RBM38: variants seen among roughly 807,000 people sequenced by gnomAD.
The protein encoded by RBM38 is RNA-binding protein 38.
RBM38 carries 11 observed loss-of-function variants against 23.5 expected under a neutral mutation model. That is an observed-to-expected ratio of 0.47 (90% CI 0.29 to 0.77). The LOEUF is 0.77. RBM38 is among the 30% of genes least tolerant of loss of function. RBM38 has a pLI of 0.08. For missense variants in RBM38, 330 were observed against 351.9 expected, an observed-to-expected ratio of 0.94 and a Z score of 0.50; for synonymous variants, 165 against 166.1, an observed-to-expected ratio of 0.99 and a Z score of 0.05.
chr20:57,396,951 T>G (rs2067280855), intron 3 of RBM38, among the ~76,000 whole-genome samples: 1 of 152,172 alleles, frequency 6.6e-6, no homozygotes, highest in South Asian at 2.1e-4. Flanking sequence ...GGCTTCCACT[T>G]AAGTCTCACT....
At chr20:57,406,845 T>G (rs2146221705) in intron 3 of RBM38, among the ~76,000 whole-genome samples, 1 of 152,040 alleles carries the variant, frequency 6.6e-6, no homozygotes, top group African/African-American at 2.4e-5. Context: ...TACAAAAAAA[T>G]TAGCCGAGCG....
chr20:57,395,671 G>C (rs907228660), intron 3 of RBM38, among the ~76,000 whole-genome samples: 4 of 152,216 alleles, frequency 2.6e-5, no homozygotes, highest in Admixed American at 2.6e-4. Context: ...GAGGTGGGTA[G>C]GGGGAGGCTC....
At chr20:57,398,560 C>A (rs573484939) in intron 3 of RBM38, among the ~76,000 whole-genome samples, 27 of 152,196 alleles carry the variant, frequency 1.8e-4, no homozygotes, top group East Asian at 3.8e-4. Context: ...CCTGCCCCCC[C>A]ACAAGGCTTC....
At chr20:57,398,443 C>G (rs1467139408) in intron 3 of RBM38, among the ~76,000 whole-genome samples, 1 of 152,204 alleles carries the variant, frequency 6.6e-6, no homozygotes, top group Non-Finnish European at 1.5e-5. Context: ...GGGGCAGAAG[C>G]TGAGGTCAGA....
chr20:57,393,987 G>A (rs1251324505), intron 3 of RBM38, among the ~76,000 whole-genome samples: 1 of 151,996 alleles, frequency 6.6e-6, no homozygotes, highest in Admixed American at 6.6e-5. Context: ...GCTGCTTGGG[G>A]AGGGACACAC....
rs2067397476 is a variant in RBM38, at chr20:57,407,446, CGGGGTG to C, written c.417-92_417-87del. The C allele has an allele frequency of 7.3e-7, 1 of 1,368,478 alleles. No homozygotes were observed. The highest frequency in any genetic ancestry group is 2.1e-5 in the Admixed American group (1 of 47,528). 84.8% of individuals were successfully genotyped at this position (1,368,478 alleles called of 1,614,324 possible). On this transcript the variant is annotated intron_variant, in intron 3 of 3. Transcript: ENST00000356208. This position sits in a 1 kb window ranked among gnomAD's most constrained non-coding sequence, Gnocchi z 4.0. Reference sequence around the variant, plus strand: ...CTGACCGATGAGGAAAGTCGGGGCTCGGGGTGGGGGGCGGCACGCATCGTGTACCCC... The same window carrying C: ...CTGACCGATGAGGAAAGTCGGGGCTCGGGGGCGGCACGCATCGTGTACCCC...
chr20:57,402,960 G>A (rs528342482), intron 3 of RBM38, among the ~76,000 whole-genome samples: 2 of 152,330 alleles, frequency 1.3e-5, no homozygotes, highest in East Asian at 3.9e-4. Flanking sequence ...TCCACAGTCG[G>A]GCGTCTCAGC....
At chr20:57,396,122 T>C (rs916161754) in intron 3 of RBM38, among the ~76,000 whole-genome samples, 1 of 152,228 alleles carries the variant, frequency 6.6e-6, no homozygotes, top group African/African-American at 2.4e-5. Flanking sequence ...TTTAGAATGA[T>C]TTACCAAAGA....
intron 3 of RBM38, among the ~76,000 whole-genome samples, chr20:57,405,081 G>C (rs2067367955): frequency 6.6e-6 from 1 of 152,226 alleles, no homozygotes; most frequent in East Asian, 1.9e-4. Context: ...CCTGTGGCCA[G>C]CTCTGCCTCA....
At chr20:57,406,523 A>G (rs992882141) in intron 3 of RBM38, among the ~76,000 whole-genome samples, 3 of 151,968 alleles carry the variant, frequency 2.0e-5, no homozygotes, top group Admixed American at 6.6e-5. Context: ...GGGGTGACGC[A>G]CCCAGTCACA....
intron 3 of RBM38, among the ~76,000 whole-genome samples, chr20:57,405,654 T>G (rs2067376046): frequency 6.6e-6 from 1 of 152,230 alleles, no homozygotes; most frequent in Non-Finnish European, 1.5e-5. Context: ...CAGGTTTTCC[T>G]GGTTTCCACC....
At chr20:57,392,307 C>T (rs534384927) in intron 1 of RBM38, 68 of 795,816 alleles carry the variant, frequency 8.5e-5, no homozygotes, top group Admixed American at 4.4e-4. Context: ...CAAACTCCTT[C>T]TCAGAGGAAA....
rs1428154760 is a variant in RBM38 at position 57,391,531 on chromosome 20, C to G, written c.-51C>G. On this transcript the variant is annotated 5_prime_UTR_variant, in exon 1 of 4. Transcript: ENST00000356208. ...GCCCCGCGCGCTCCCCGCCGCCCCC[C>G]ATGAGCGCAGCCCCGCGCGGCCCGG... is the stretch of plus-strand genomic sequence containing the variant. 1 of 629,784 alleles carries G rather than the reference C, an allele frequency of 1.6e-6. No homozygotes were observed. Among genetic ancestry groups the G allele is most frequent in the Non-Finnish European group, 2.0e-6 (1 of 500,924 alleles). 39.0% of individuals were successfully genotyped at this position (629,784 alleles called of 1,614,324 possible).
At position 57,408,477 on chromosome 20, in the gene RBM38, A is replaced by C. The variant is rs2067411596; in HGVS notation, c.*631A>C. 6.5e-6 allele frequency: 1 copy of C among 152,862 alleles called. No homozygotes were observed. Among genetic ancestry groups the C allele is most frequent in the South Asian group, 2.1e-4 (1 of 4,856 alleles). 9.5% of individuals were successfully genotyped at this position (152,862 alleles called of 1,614,324 possible). A position where few individuals can be genotyped will look rare whatever the true frequency, so the allele number is the denominator to read the frequency against. ...CGGCCAAAGGCCCCTTTCCAGTCAT[A>C]GCACTGAAGTTGCAACTTTTTTCTT... On this transcript the variant is annotated 3_prime_UTR_variant, in exon 4 of 4. Coordinates refer to ENST00000356208, the MANE Select transcript of RBM38 (RefSeq NM_017495.6).
intron 3 of RBM38, among the ~76,000 whole-genome samples, chr20:57,404,186 G>A (rs1191598001): frequency 6.6e-6 from 1 of 152,192 alleles, no homozygotes; most frequent in Non-Finnish European, 1.5e-5. Context: ...GAGTGTGGCC[G>A]GAACCCAGCT....
At chr20:57,392,165 AC>A (rs2067226032) in intron 1 of RBM38, 1 of 295,442 alleles carries the variant, frequency 3.4e-6, no homozygotes, top group Admixed American at 4.9e-5. Flanking sequence ...CAATGGCTCC[AC>A]CCCGGGGTGT....
intron 3 of RBM38, among the ~76,000 whole-genome samples, chr20:57,397,293 C>T (rs2067283745): frequency 6.6e-6 from 1 of 152,252 alleles, no homozygotes; most frequent in South Asian, 2.1e-4. Flanking sequence ...CTTAGAGCAA[C>T]TGAGAGACTT....
chr20:57,399,275 G>A (rs1490940014), intron 3 of RBM38, among the ~76,000 whole-genome samples: 1 of 152,156 alleles, frequency 6.6e-6, no homozygotes, highest in Non-Finnish European at 1.5e-5. Flanking sequence ...AGGAGGGATG[G>A]GTCAGTCTGC....
intron 2 of RBM38, chr20:57,393,053 G>A (rs2067237548): frequency 1.5e-6 from 1 of 649,188 alleles, no homozygotes; most frequent in Non-Finnish European, 2.7e-6. Flanking sequence ...GGGGCCTGGA[G>A]GTTGGGAGTG....
Sources: allele counts gnomAD v4.1 joint callset (sites outside exome capture counted in the v4.1 genomes callset), GRCh38; gene constraint gnomAD v4.1.1; non-coding constraint Gnocchi (gnomAD v3.1); transcripts MANE v1.5; gene names NCBI Gene and HGNC (gene_info 2026-07-23, HGNC 2026-07-21).